MTG2: variants seen among roughly 807,000 people sequenced by gnomAD.
MTG2 encodes the protein mitochondrial ribosome-associated GTPase 2.
Under a neutral mutation model 28.6 loss-of-function variants are expected in MTG2, and 23 were observed. The ratio of observed to expected loss-of-function variants is 0.80; its 90% CI spans 0.58 to 1.14. The LOEUF (loss-of-function observed/expected upper bound fraction) is 1.14. MTG2 is among the 50% of genes most tolerant of loss of function. MTG2 has a pLI of 0.00. For missense variants in MTG2, 539 were observed against 552.0 expected (o/e 0.98, Z 0.24); for synonymous variants, 260 against 251.8 (o/e 1.03, Z -0.31).
At chr20:62,183,775 G>T (rs1056466327) in intron 1 of MTG2, among the ~76,000 whole-genome samples, 3 of 152,202 alleles carry the variant, frequency 2.0e-5, no homozygotes, top group Non-Finnish European at 4.4e-5. Context: ...GACGGGAAAG[G>T]AGAATTCAAA....
intron 2 of MTG2, among the ~76,000 whole-genome samples, chr20:62,194,704 CT>C (rs1275370365): frequency 6.6e-6 from 1 of 152,102 alleles, no homozygotes; most frequent in East Asian, 1.9e-4. Context: ...GGCAGCAGCC[CT>C]GGGTGGCTGT....
intron 3 of MTG2, chr20:62,197,119 A>T (rs1951841749): frequency 6.6e-6 from 1 of 151,398 alleles, no homozygotes; most frequent in African/African-American, 2.4e-5. Flanking sequence ...CTTTGAGGCC[A>T]GGCGCAGTGG....
chr20:62,195,237 G>A (rs1050829224), intron 2 of MTG2, among the ~76,000 whole-genome samples: 1 of 152,164 alleles, frequency 6.6e-6, no homozygotes, highest in African/African-American at 2.4e-5. Context: ...CCTCCAGCGA[G>A]GGGCTCTGTT....
chr20:62,200,700 A>G lies in MTG2; in HGVS notation c.844A>G (p.Ile282Val). Residue 282 changes from isoleucine to valine, a missense_variant, in exon 7 of 7, where the codon ATC (isoleucine) becomes GTC (valine). Coordinates refer to ENST00000370823, the MANE Select transcript of MTG2 (RefSeq NM_015666.4). ...CCCTGCAGTGGCCGACATCCCCGGC[A>G]TCATACGAGGCGCCCACCAGAACAG... ...LQIAVADIPG[I>V]IRGAHQNRGL... 1 of 1,610,518 alleles carries G rather than the reference A, an allele frequency of 6.2e-7. No individual in the cohort carries two copies. The highest frequency in any genetic ancestry group is 8.5e-7 in the Non-Finnish European group (1 of 1,178,608).
chr20:62,185,683 T>C (rs1479232055), intron 1 of MTG2, among the ~76,000 whole-genome samples: 1 of 152,170 alleles, frequency 6.6e-6, no homozygotes, highest in Non-Finnish European at 1.5e-5. Flanking sequence ...TTCTAATATG[T>C]GCTGTCCCAT....
chr20:62,198,706 A>G lies in MTG2; in HGVS notation c.541A>G (p.Ile181Val). Reference protein sequence around the residue: ...ADLSCVGDEYIAALGGAGGKG... With the variant: ...ADLSCVGDEYVAALGGAGGKG... ...CCTGTCTTGCGTGGGAGATGAGTAC[A>G]TTGCCGCGCTGGGCGGGGCAGGAGG... is the stretch of plus-strand genomic sequence containing the variant. The change falls in exon 5 of 7, where the codon ATT (isoleucine) becomes GTT (valine). Residue 181 changes from isoleucine (I) to valine (V), a missense_variant. Transcript: ENST00000370823. 6.2e-7 allele frequency: 1 copy of G among 1,614,150 alleles called. No homozygotes were observed. The highest frequency in any genetic ancestry group is 8.5e-7 in the Non-Finnish European group (1 of 1,180,024).
At chr20:62,185,165 G>A (rs1313093292) in intron 1 of MTG2, among the ~76,000 whole-genome samples, 2 of 151,802 alleles carry the variant, frequency 1.3e-5, no homozygotes, top group African/African-American at 4.8e-5. Flanking sequence ...TGTAATCCCA[G>A]CAATTTGGGA....
intron 3 of MTG2, among the ~76,000 whole-genome samples, chr20:62,196,238 C>T (rs1051111509): frequency 3.3e-5 from 5 of 150,766 alleles, no homozygotes; most frequent in Non-Finnish European, 7.4e-5. Flanking sequence ...GACATGGTAG[C>T]GTGCACCTGT....
intron 1 of MTG2, among the ~76,000 whole-genome samples, chr20:62,183,262 C>T (rs1347470489): frequency 6.6e-6 from 1 of 151,902 alleles, no homozygotes; most frequent in African/African-American, 2.4e-5. Flanking sequence ...AGCGAGCGCT[C>T]GGGCGGTGGG....
rs181967420 is a variant in MTG2 at position 62,194,993 on chromosome 20, G to A, written c.205-809G>A. 3.0e-3 allele frequency among the ~76,000 whole-genome samples: 460 copies of A among 152,200 alleles called. 2 individuals carry two copies. Among genetic ancestry groups the A allele is most frequent in the African/African-American group, 0.011 (442 of 41,532 alleles). On this transcript the variant is annotated intron_variant, in intron 2 of 6. Coordinates refer to ENST00000370823, the MANE Select transcript of MTG2 (RefSeq NM_015666.4). ...GGGTGGATCACGAGGTCAGGAGATC[G>A]AGACCATCCTGGCCAACACGGTGAA...
chr20:62,198,527 C>T lies in MTG2; in HGVS notation c.469-107C>T, dbSNP rs923407508. 2.0e-5 allele frequency: 25 copies of T among 1,234,218 alleles called. No individual in the cohort carries two copies. The African/African-American group carries it at 2.8e-4, about 14-fold the overall frequency. 76.5% of individuals were successfully genotyped at this position (1,234,218 alleles called of 1,614,324 possible). Reference sequence around the variant, plus strand: ...GTGGGGCGGGCAGCTGCCCGGGGCACAGTCCGCTCTTGTCTTCTTTCCTTA... The same window carrying T: ...GTGGGGCGGGCAGCTGCCCGGGGCATAGTCCGCTCTTGTCTTCTTTCCTTA... On this transcript the variant is annotated intron_variant, in intron 4 of 6. Transcript: ENST00000370823.
chr20:62,201,095 C>T lies in MTG2; in HGVS notation c.*18C>T, dbSNP rs767337108. On this transcript the variant is annotated 3_prime_UTR_variant, in exon 7 of 7. Transcript: ENST00000370823. ...GGTGGTAGCCACGCCAGAGCGGGGT[C>T]GCCTCTGGGCCTCTGTCTGAGCAAA... The T allele has an allele frequency of 4.5e-6, 7 of 1,566,294 alleles. No homozygotes were observed. Among genetic ancestry groups the T allele is most frequent in the South Asian group, 1.2e-5 (1 of 86,210 alleles).
At position 62,202,176 on chromosome 20, in the gene MTG2, C is replaced by T. The variant is rs6061457; in HGVS notation, c.*1099C>T. The T allele has an allele frequency of 0.58, 88,348 of 152,116 alleles. 26,260 individuals are homozygous for T. Among genetic ancestry groups the T allele is most frequent in the East Asian group, 0.88 (4,559 of 5,164 alleles). 9.4% of individuals were successfully genotyped at this position (152,116 alleles called of 1,614,324 possible). On this transcript the variant is annotated 3_prime_UTR_variant, in exon 7 of 7. Transcript: ENST00000370823. ...AGTACTGATGCATCCAAGCCAGGCC[C>T]ATGCCTGGTGTCTCCCTGACTGCAG...
intron 1 of MTG2, among the ~76,000 whole-genome samples, chr20:62,185,540 A>G (rs2057825856): frequency 6.6e-6 from 1 of 152,010 alleles, no homozygotes; most frequent in Non-Finnish European, 1.5e-5. Flanking sequence ...GGAACGCTGA[A>G]GCACAAGAAT....
At chr20:62,184,147 A>T (rs1473742308) in intron 1 of MTG2, among the ~76,000 whole-genome samples, 1 of 152,250 alleles carries the variant, frequency 6.6e-6, no homozygotes, top group Non-Finnish European at 1.5e-5. Flanking sequence ...TCACGAGGTC[A>T]GGAGTTAAAG....
chr20:62,198,041 ACCCACGGGGCCCCTGTGGCTTGATGCC>A, intron 4 of MTG2, 74 bp downstream of exon 4: 1 of 1,364,490 alleles, frequency 7.3e-7, no homozygotes, highest in Non-Finnish European at 1.0e-6. Context: ...CCACCGTGTG[ACCCACGGGGCCCCTGTGGCTTGATGCC>A]CACAGCTAGG....
chr20:62,198,681 C>T lies in MTG2; in HGVS notation c.516C>T (p.Asp172=). 1 of 1,614,116 alleles carries T rather than the reference C, an allele frequency of 6.2e-7. No individual in the cohort carries two copies. Among genetic ancestry groups the T allele is most frequent in the East Asian group, 2.2e-5 (1 of 44,886 alleles). ...AGGAGGGAGGCAGAGTTGTGGCCGA[C>T]CTGTCTTGCGTGGGAGATGAGTACA... ...LVKEGGRVVA[D]LSCVGDEYIA... is the part of the protein sequence containing the mutation. The change falls in exon 5 of 7, where the codon GAC becomes GAT. Residue 172 remains aspartate, a synonymous_variant. Transcript: ENST00000370823.
At chr20:62,198,087 C>CA in intron 4 of MTG2, 120 bp downstream of exon 4, 2 of 750,610 alleles carry the variant, frequency 2.7e-6, no homozygotes, top group Non-Finnish European at 4.4e-6. Context: ...GGAAACAGCA[C>CA]AATGGAAACG....
intron 5 of MTG2, 120 bp from the exon 6 acceptor site, chr20:62,198,999 C>A: frequency 6.5e-7 from 1 of 1,546,718 alleles, no homozygotes; most frequent in Non-Finnish European, 8.8e-7. Flanking sequence ...TGGTCGTGAG[C>A]ATGAGCCCTT....
Sources: allele counts gnomAD v4.1 joint callset (sites outside exome capture counted in the v4.1 genomes callset), GRCh38; gene constraint gnomAD v4.1.1; transcripts MANE v1.5; gene names NCBI Gene and HGNC (gene_info 2026-07-23, HGNC 2026-07-21).